Variants in CD3G observed in about 807,000 individuals in gnomAD.
CD3G encodes the protein CD3 gamma subunit of T-cell receptor complex, also known as T-cell surface glycoprotein CD3 gamma chain.
CD3G carries 24 observed loss-of-function variants against 28.3 expected under a neutral mutation model. The observed-to-expected ratio is 0.85, with a 90% confidence interval of 0.61 to 1.19. CD3G has a LOEUF of 1.19. Ranked by LOEUF, CD3G falls within the 50% of genes most tolerant of loss-of-function variation. The probability of loss-of-function intolerance (pLI) is 0.00; values close to 1 mark genes in which losing one functional copy is unlikely to be tolerated. For synonymous variants in CD3G, 71 were observed against 75.9 expected, an observed-to-expected ratio of 0.93 and a Z score of 0.34; for missense variants, 211 against 210.0, an observed-to-expected ratio of 1.00 and a Z score of -0.03.
At chr11:118,352,527 A>G (rs1948419355) in intron 6 of CD3G, 40 bp downstream of exon 6, 3 of 1,336,678 alleles carry the variant, frequency 2.2e-6, no homozygotes, top group Non-Finnish European at 3.2e-6. Flanking sequence ...GGACCCTTGC[A>G]TCAACTGCCC....
rs1948437321 is a variant in CD3G, at chr11:118,354,849, G to T, written c.*1749G>T. The T allele has an allele frequency of 2.0e-5, 3 of 152,158 alleles. No individual in the cohort carries two copies. The highest frequency in any genetic ancestry group is 1.9e-4 in the East Asian group (1 of 5,188). The allele number at this position is 152,158 out of a possible 1,614,324, so 9.4% of individuals were successfully genotyped here. On this transcript the variant is annotated 3_prime_UTR_variant, in exon 7 of 7. Coordinates refer to ENST00000532917, the MANE Select transcript of CD3G (RefSeq NM_000073.3). Reference sequence around the variant, plus strand: ...TTACTATTGGGTTGCATATGTTTTTGATATAAGTCCTTTATCAGATATATG... The same window carrying T: ...TTACTATTGGGTTGCATATGTTTTTTATATAAGTCCTTTATCAGATATATG...
intron 1 of CD3G, among the ~76,000 whole-genome samples, chr11:118,348,611 T>A (rs1015571011): frequency 6.6e-6 from 1 of 152,198 alleles, no homozygotes; most frequent in Non-Finnish European, 1.5e-5. Flanking sequence ...GCCGCTTGAC[T>A]GATCTCAATC....
intron 2 of CD3G, 25 bp from the exon 3 acceptor site, chr11:118,349,718 A>G (rs770352824): frequency 6.4e-7 from 1 of 1,558,298 alleles, no homozygotes. Context: ...GATCCTTAAT[A>G]GAACCACGGC....
chr11:118,350,703 T>C lies in CD3G; in HGVS notation c.439+20T>C. Reference sequence around the variant, plus strand: ...CGAGAGGTAAAAGAATGCTCTTAGATGAGAGATGGGACCACCTGAGACCCT... The same window carrying C: ...CGAGAGGTAAAAGAATGCTCTTAGACGAGAGATGGGACCACCTGAGACCCT... On this transcript the variant is annotated intron_variant, in intron 4 of 6. Transcript: ENST00000532917. 1.2e-6 allele frequency: 2 copies of C among 1,613,294 alleles called. No homozygotes were observed. Among genetic ancestry groups the C allele is most frequent in the Non-Finnish European group, 1.7e-6 (2 of 1,179,728 alleles).
intron 4 of CD3G, 130 bp downstream of exon 4, chr11:118,350,813 T>G: frequency 6.4e-7 from 1 of 1,564,154 alleles, no homozygotes; most frequent in Non-Finnish European, 8.6e-7. Flanking sequence ...TGAGGCTGTA[T>G]TTCTCTGAGA....
intron 1 of CD3G, among the ~76,000 whole-genome samples, chr11:118,345,595 G>A (rs1287326349): frequency 6.6e-6 from 1 of 152,100 alleles, no homozygotes; most frequent in East Asian, 1.9e-4. Flanking sequence ...TGTTTTTGAG[G>A]GTGAGAGAAA....
rs1426888744 is a variant in CD3G, at chr11:118,344,378, G to A, written c.-46G>A. ...GCTGCACAGGCTGGCTGGCTGGCTG[G>A]CTGCTAAGGGCTGCTCCACGCTTTT... On this transcript the variant is annotated 5_prime_UTR_variant, in exon 1 of 7. Transcript: ENST00000532917. The A allele has an allele frequency of 7.1e-7, 1 of 1,414,048 alleles. No individual in the cohort carries two copies. The highest frequency in any genetic ancestry group is 9.7e-7 in the Non-Finnish European group (1 of 1,028,562). 87.6% of individuals were successfully genotyped at this position (1,414,048 alleles called of 1,614,324 possible). A position where few individuals can be genotyped will look rare whatever the true frequency, so the allele number is the denominator to read the frequency against.
chr11:118,347,763 T>A (rs3181258), intron 1 of CD3G, among the ~76,000 whole-genome samples: 3,775 of 152,200 alleles, frequency 0.025, 72 homozygotes, highest in Non-Finnish European at 0.037. Flanking sequence ...GGACTACAGG[T>A]GCATACCACC....
intron 4 of CD3G, chr11:118,350,884 T>G: frequency 1.2e-6 from 1 of 856,038 alleles, no homozygotes; most frequent in Non-Finnish European, 1.4e-6. Flanking sequence ...TACAGCTCCC[T>G]CTGTGAAAAA....
intron 1 of CD3G, among the ~76,000 whole-genome samples, chr11:118,347,597 C>G (rs978751013): frequency 6.6e-6 from 1 of 152,080 alleles, no homozygotes; most frequent in Non-Finnish European, 1.5e-5. Flanking sequence ...GTCTACCATG[C>G]AACTCTACTA....
intron 2 of CD3G, chr11:118,349,365 C>A: frequency 8.7e-7 from 1 of 1,151,484 alleles, no homozygotes; most frequent in Non-Finnish European, 1.2e-6. Flanking sequence ...CTCTGTCAAT[C>A]CTTCTCTTTA....
intron 1 of CD3G, among the ~76,000 whole-genome samples, chr11:118,344,913 C>T (rs999501266): frequency 1.3e-5 from 2 of 152,162 alleles, no homozygotes; most frequent in Non-Finnish European, 2.9e-5. Flanking sequence ...ATGTGATATG[C>T]CATGAGGAAA....
intron 1 of CD3G, among the ~76,000 whole-genome samples, chr11:118,346,834 A>C (rs1342545280): frequency 6.6e-6 from 1 of 151,824 alleles, no homozygotes; most frequent in African/African-American, 2.4e-5. Flanking sequence ...AAAAAAAAAA[A>C]AAAAAACTAT....
intron 6 of CD3G, among the ~76,000 whole-genome samples, chr11:118,352,772 A>G (rs1421124225): frequency 6.6e-6 from 1 of 152,228 alleles, no homozygotes; most frequent in Non-Finnish European, 1.5e-5. Flanking sequence ...ATTTCTCATT[A>G]TCTACACTAT....
chr11:118,351,552 A>G lies in CD3G; in HGVS notation c.440-76A>G. On this transcript the variant is annotated intron_variant, in intron 4 of 6. Transcript: ENST00000532917. ...ATATATAAAACTCTTATTGTTATTTAGTATTCCATTTTGTGAATATAACCC... is the reference window on the plus strand; with the variant it reads ...ATATATAAAACTCTTATTGTTATTTGGTATTCCATTTTGTGAATATAACCC... The G allele has an allele frequency of 4.6e-6, 6 of 1,308,104 alleles. 1 individual carries two copies. The South Asian group carries it at 5.9e-5, about 13-fold the overall frequency. 81.0% of individuals were successfully genotyped at this position (1,308,104 alleles called of 1,614,324 possible).
chr11:118,352,449 A>G lies in CD3G; in HGVS notation c.529A>G (p.Asn177Asp), dbSNP rs2134072775. The G allele has an allele frequency of 6.2e-7, 1 of 1,614,086 alleles. No homozygotes were observed. The highest frequency in any genetic ancestry group is 8.5e-7 in the Non-Finnish European group (1 of 1,179,934). Reference sequence around the variant, plus strand: ...TGACCAGTACAGCCACCTTCAAGGAAACCAGTTGAGGAGGAATTGAACTCA... The same window carrying G: ...TGACCAGTACAGCCACCTTCAAGGAGACCAGTTGAGGAGGAATTGAACTCA... Reference protein sequence around the residue: ...EDDQYSHLQGNQLRRN With the variant: ...EDDQYSHLQGDQLRRN Residue 177 changes from asparagine to aspartate, a missense_variant, in exon 6 of 7, where the codon AAC becomes GAC. Coordinates refer to ENST00000532917, the MANE Select transcript of CD3G (RefSeq NM_000073.3).
intron 1 of CD3G, among the ~76,000 whole-genome samples, chr11:118,346,483 A>C (rs1384602445): frequency 6.6e-6 from 1 of 152,030 alleles, no homozygotes; most frequent in Non-Finnish European, 1.5e-5. Context: ...TGAACTCTTA[A>C]GTCCTAAAAG....
At chr11:118,351,703 T>G in intron 5 of CD3G, 32 bp downstream of exon 5, 1 of 1,603,620 alleles carries the variant, frequency 6.2e-7, no homozygotes, top group African/African-American at 1.3e-5. Context: ...GAGACATTGC[T>G]GTAATTAGTG....
intron 5 of CD3G, 114 bp from the exon 6 acceptor site, chr11:118,352,290 G>T: frequency 1.2e-6 from 1 of 848,502 alleles, no homozygotes; most frequent in South Asian, 1.3e-5. Flanking sequence ...CCATCCTCAG[G>T]ACCATGAAGT....
Sources: allele counts gnomAD v4.1 joint callset (sites outside exome capture counted in the v4.1 genomes callset), GRCh38; gene constraint gnomAD v4.1.1; transcripts MANE v1.5; gene names NCBI Gene and HGNC (gene_info 2026-07-23, HGNC 2026-07-21).